Variants in DAB2 observed in about 807,000 individuals in gnomAD.
DAB2 encodes the protein DAB adaptor protein 2, also known as disabled homolog 2.
DAB2 carries 28 observed loss-of-function variants against 71.6 expected under a neutral mutation model. That is an observed-to-expected ratio of 0.39 (90% CI 0.29 to 0.54). The LOEUF is 0.54. Ranked by LOEUF, DAB2 falls within the 20% of genes least tolerant of loss-of-function variation. The pLI is 0.68. For missense variants in DAB2, 867 were observed against 928.8 expected, an observed-to-expected ratio of 0.93 and a Z score of 0.86; for synonymous variants, 345 against 339.7, an observed-to-expected ratio of 1.02 and a Z score of -0.17.
At chr5:39,392,617 G>T (rs76494922) in intron 3 of DAB2, among the ~76,000 whole-genome samples, 154 bp from the exon 4 acceptor site, 4,024 of 152,284 alleles carry the variant, frequency 0.026, 83 homozygotes, top group South Asian at 0.086. Context: ...CAGCAAGACG[G>T]CATAGAAGAC....
intron 1 of DAB2, among the ~76,000 whole-genome samples, chr5:39,401,923 T>G (rs887670310): frequency 1.2e-4 from 18 of 151,886 alleles, no homozygotes; most frequent in Non-Finnish European, 1.8e-4. Flanking sequence ...TGGCTAATTT[T>G]TTGTATTTTT....
intron 1 of DAB2, among the ~76,000 whole-genome samples, chr5:39,421,537 A>G (rs1486362707): frequency 6.6e-6 from 1 of 152,170 alleles, no homozygotes; most frequent in African/African-American, 2.4e-5. Context: ...GTAGTTCTCA[A>G]CTACTATCCA....
chr5:39,380,299 C>A (rs1158984506), intron 11 of DAB2, among the ~76,000 whole-genome samples: 1 of 152,124 alleles, frequency 6.6e-6, no homozygotes, highest in Admixed American at 6.6e-5. Context: ...CCTCCTCTGG[C>A]CACCCTATTC....
Position 39,388,844 on chromosome 5 carries a change from A to T in DAB2, c.579T>A (p.Ser193Arg). 6.2e-7 allele frequency: 1 copy of T among 1,612,710 alleles called. No homozygotes were observed. The change falls in exon 8 of 15, where the codon AGT becomes AGA. Residue 193 changes from serine to arginine, a missense_variant. By Grantham distance (110) the Ser-to-Arg change is moderately radical. Transcript: ENST00000320816. ...EEASKAVENG[S>R]EALMILDDQT... is the part of the protein sequence containing the mutation. ...GGTCATCTAGAATCATTAGGGCCTC[A>T]CTCCCATTCTGAAAAGATAGCAAAT...
chr5:39,386,621 G>A (rs975442368), intron 9 of DAB2, among the ~76,000 whole-genome samples: 2 of 152,076 alleles, frequency 1.3e-5, no homozygotes, highest in African/African-American at 4.8e-5. Context: ...ACTTCATAAA[G>A]TCTAATAAAA....
intron 1 of DAB2, among the ~76,000 whole-genome samples, chr5:39,397,491 T>C (rs906365017): frequency 2.6e-5 from 4 of 152,238 alleles, no homozygotes; most frequent in African/African-American, 9.6e-5. Flanking sequence ...TCTCTCAGTT[T>C]TCTAGCTAAC....
intron 11 of DAB2, among the ~76,000 whole-genome samples, chr5:39,379,153 T>A (rs1297036679): frequency 6.6e-6 from 1 of 152,010 alleles, no homozygotes. Flanking sequence ...ATGGTATTTG[T>A]AAAAGAGAAA....
Position 39,376,114 on chromosome 5 carries a change from G to A in DAB2, c.2138-8C>T, listed in dbSNP as rs1182757408. 1 of 1,610,302 alleles carries A rather than the reference G, an allele frequency of 6.2e-7. No homozygotes were observed. Among genetic ancestry groups the A allele is most frequent in the Non-Finnish European group, 8.5e-7 (1 of 1,177,450 alleles). On this transcript the variant is annotated splice_polypyrimidine_tract_variant and splice_region_variant and intron_variant, in intron 12 of 14. Transcript: ENST00000320816. ...GAGCTGGCTTTGGTGGTTCTAGAAG[G>A]TAAAAAATCCAGGCAATCAGTAGAC...
At chr5:39,384,790 A>G (rs960167393) in intron 9 of DAB2, among the ~76,000 whole-genome samples, 4 of 151,962 alleles carry the variant, frequency 2.6e-5, no homozygotes, top group African/African-American at 7.2e-5. Flanking sequence ...ATACTTAACT[A>G]TGCTACCCAG....
Position 39,392,472 on chromosome 5 carries a change from G to A in DAB2, c.232-9C>T, listed in dbSNP as rs201653258. 6.2e-7 allele frequency: 1 copy of A among 1,601,500 alleles called. No homozygotes were observed. The highest frequency in any genetic ancestry group is 2.2e-5 in the East Asian group (1 of 44,812). The stretch of plus-strand genomic sequence containing the variant: ...CCAGCTGCCGCCATTCCCTGATGAG[G>A]GTGGAAAAACAAGAGAAGTTGAATT... On this transcript the variant is annotated splice_polypyrimidine_tract_variant and intron_variant, in intron 3 of 14. Coordinates refer to ENST00000320816, the MANE Select transcript of DAB2 (RefSeq NM_001343.4).
chr5:39,415,276 G>A (rs981997922), intron 1 of DAB2, among the ~76,000 whole-genome samples: 1 of 152,052 alleles, frequency 6.6e-6, no homozygotes, highest in Non-Finnish European at 1.5e-5. Context: ...CCATCTGTAT[G>A]GCAGTAACAG....
intron 1 of DAB2, among the ~76,000 whole-genome samples, chr5:39,396,149 A>G (rs1755365670): frequency 1.3e-5 from 2 of 151,906 alleles, no homozygotes; most frequent in Admixed American, 1.3e-4. Flanking sequence ...GAGTTTCACC[A>G]TGTTGGTCAG....
intron 9 of DAB2, chr5:39,385,026 T>C (rs1579905365): frequency 6.6e-6 from 1 of 152,258 alleles, no homozygotes; most frequent in South Asian, 2.1e-4. Context: ...AAGTCCTATT[T>C]CATGGCCACA....
At position 39,390,447 on chromosome 5, in the gene DAB2, T is replaced by C; in HGVS notation, c.459A>G (p.Gln153=). The C allele has an allele frequency of 2.5e-6, 4 of 1,614,070 alleles. No homozygotes were observed. The highest frequency in any genetic ancestry group is 3.4e-6 in the Non-Finnish European group (4 of 1,179,968). The change falls in exon 5 of 15, where the codon CAA becomes CAG. Residue 153 remains glutamine (Q), a synonymous_variant. Transcript: ENST00000320816. ...TATGTCAAGACTTAGAGCTCACCTG[T>C]TGCCCGGTTTTTATGGCAAAAAACT... is the stretch of plus-strand genomic sequence containing the variant. ...QHQFFAIKTG[Q]QAEPLVVDLK...
At chr5:39,416,473 G>A (rs1755848811) in intron 1 of DAB2, among the ~76,000 whole-genome samples, 1 of 152,042 alleles carries the variant, frequency 6.6e-6, no homozygotes, top group Non-Finnish European at 1.5e-5. Flanking sequence ...TTCAAGCTGA[G>A]ATTCAAAGCC....
chr5:39,377,048 G>A lies in DAB2; in HGVS notation c.1739C>T (p.Ala580Val). The change falls in exon 12 of 15, where the codon GCA (alanine) becomes GTA (valine). Residue 580 changes from alanine to valine, a missense_variant. By Grantham distance (64) the Ala-to-Val change is moderately conservative. This residue lies in a region of DAB2 where 740 missense variants were observed against 734.3 expected (regional missense o/e 1.01). Transcript: ENST00000320816. Reference protein sequence around the residue: ...PVVWGPSASVAPNAWSTTSPL... With the variant: ...PVVWGPSASVVPNAWSTTSPL... ...GCTTGTTGTTGACCAAGCATTGGGT[G>A]CCACAGATGCAGAAGGGCCCCAGAC... is the stretch of plus-strand genomic sequence containing the variant. 6.2e-7 allele frequency: 1 copy of A among 1,614,130 alleles called. No individual in the cohort carries two copies. The highest frequency in any genetic ancestry group is 1.1e-5 in the South Asian group (1 of 91,076).
At chr5:39,396,552 T>C (rs1229826085) in intron 1 of DAB2, among the ~76,000 whole-genome samples, 7 of 152,148 alleles carry the variant, frequency 4.6e-5, no homozygotes, top group Non-Finnish European at 7.3e-5. Context: ...GTTATGTGTA[T>C]ACACTGGTAT....
chr5:39,380,751 A>C (rs836301), intron 11 of DAB2, among the ~76,000 whole-genome samples: 148,875 of 152,278 alleles, frequency 0.98, 73,045 homozygotes, highest in Middle Eastern at 1. Flanking sequence ...GTCAATGCAT[A>C]CTAGCTGTCT....
At chr5:39,410,067 T>C (rs959662936) in intron 1 of DAB2, among the ~76,000 whole-genome samples, 9 of 152,174 alleles carry the variant, frequency 5.9e-5, no homozygotes, top group African/African-American at 2.2e-4. Context: ...TACACTCCAC[T>C]GGATTGTTTT....
Sources: allele counts gnomAD v4.1 joint callset (sites outside exome capture counted in the v4.1 genomes callset), GRCh38; gene constraint gnomAD v4.1.1; regional missense constraint gnomAD v4.1.1; transcripts MANE v1.5; gene names NCBI Gene and HGNC (gene_info 2026-07-23, HGNC 2026-07-21).